Variants in GNPTAB observed in about 807,000 individuals in gnomAD.
GNPTAB encodes the protein N-acetylglucosamine-1-phosphotransferase subunits alpha/beta.
Under a neutral mutation model 136.6 loss-of-function variants are expected in GNPTAB, and 92 were observed. That is an observed-to-expected ratio of 0.67 (90% confidence interval 0.57 to 0.80). GNPTAB has a LOEUF of 0.80. Ranked by LOEUF, GNPTAB falls within the 30% of genes least tolerant of loss-of-function variation. The pLI, the probability that GNPTAB is intolerant of heterozygous loss-of-function variation, is 0.00. For synonymous variants in GNPTAB, 512 were observed against 535.1 expected, an observed-to-expected ratio of 0.96 and a Z score of 0.60; for missense variants, 1,343 against 1,501.8, an observed-to-expected ratio of 0.89 and a Z score of 1.75.
intron 1 of GNPTAB, among the ~76,000 whole-genome samples, chr12:101,830,177 G>A (rs996949395): frequency 1.3e-5 from 2 of 152,208 alleles, no homozygotes; most frequent in Admixed American, 6.5e-5. Context: ...AGGATCACTT[G>A]AGCCCAGGAC....
intron 20 of GNPTAB, among the ~76,000 whole-genome samples, chr12:101,748,572 G>A (rs886598940): frequency 1.3e-5 from 2 of 152,224 alleles, no homozygotes; most frequent in Non-Finnish European, 2.9e-5. Context: ...GTACATGCAT[G>A]CAGAGGAAAG....
chr12:101,809,957 A>G (rs1870131489), intron 1 of GNPTAB, among the ~76,000 whole-genome samples: 1 of 152,202 alleles, frequency 6.6e-6, no homozygotes, highest in South Asian at 2.1e-4. Flanking sequence ...CAACTATAAC[A>G]AATGTACCAC....
rs1953320791 is a variant in GNPTAB, at chr12:101,780,193, T to C, written c.730A>G (p.Lys244Glu). The change falls in exon 7 of 21, where the codon AAA (lysine) becomes GAA (glutamate). Residue 244 changes from lysine (K) to glutamate (E), a missense_variant. Lys to Glu is a moderately conservative substitution (Grantham distance 56). Transcript: ENST00000299314. The part of the protein sequence containing the change: ...PPTFKETNQL[K>E]TKLPENLSSK... ...GAAAGATTTTCTGGCAATTTTGTTT[T>C]TAGTTGATTTGTTTCCTTGAATGTT... The C allele has an allele frequency of 6.2e-7, 1 of 1,613,804 alleles. No homozygotes were observed. The highest frequency in any genetic ancestry group is 1.7e-5 in the Admixed American group (1 of 60,006).
chr12:101,767,069 C>T (rs1953105509), intron 11 of GNPTAB, among the ~76,000 whole-genome samples: 1 of 152,192 alleles, frequency 6.6e-6, no homozygotes, highest in Non-Finnish European at 1.5e-5. Context: ...CTCTCCTCAG[C>T]TAAAGCGCAT....
rs756332800 is a variant in GNPTAB at position 101,796,769 on chromosome 12, C to A, written c.118-7G>T. 24 of 1,595,544 alleles carry A rather than the reference C, an allele frequency of 1.5e-5. No individual in the cohort carries two copies. The Admixed American group carries it at 2.7e-4, about 18-fold the overall frequency. On this transcript the variant is annotated splice_region_variant and splice_polypyrimidine_tract_variant and intron_variant, in intron 1 of 20. Coordinates refer to ENST00000299314, the MANE Select transcript of GNPTAB (RefSeq NM_024312.5). Reference sequence around the variant, plus strand: ...GGCTCCATTCCAGAACCACCTAGAACAAAGAAAAAGAAACGTTTTCTTCGC... The same window carrying A: ...GGCTCCATTCCAGAACCACCTAGAAAAAAGAAAAAGAAACGTTTTCTTCGC...
Position 101,786,201 on chromosome 12 carries a change from A to C in GNPTAB, c.382T>G (p.Cys128Gly). The change falls in exon 5 of 21, where the codon TGT (cysteine) becomes GGT (glycine). Residue 128 changes from cysteine to glycine, a missense_variant. Transcript: ENST00000299314. ...ACCTTAATGCAGTGTGTTAGCAAAC[A>C]CTCTAACTGCTTCTCACTGGAAAGA... is the stretch of plus-strand genomic sequence containing the variant. ...PTKKSEKQLECLLTHCIKVPM... is the reference protein window; with the variant it reads ...PTKKSEKQLEGLLTHCIKVPM... 6.2e-7 allele frequency: 1 copy of C among 1,613,132 alleles called. No individual in the cohort carries two copies. Among genetic ancestry groups the C allele is most frequent in the Non-Finnish European group, 8.5e-7 (1 of 1,179,462 alleles).
At chr12:101,747,954 G>GGTATA (rs1235547863) in intron 20 of GNPTAB, among the ~76,000 whole-genome samples, 34 of 92,366 alleles carry the variant, frequency 3.7e-4, no homozygotes, top group Non-Finnish European at 5.3e-4. Flanking sequence ...TATAGATAGA[G>GGTATA]GAAAGACTGA....
chr12:101,795,607 G>T (rs1869232271), intron 2 of GNPTAB, among the ~76,000 whole-genome samples: 1 of 151,958 alleles, frequency 6.6e-6, no homozygotes, highest in Non-Finnish European at 1.5e-5. Flanking sequence ...ACAAAAATTA[G>T]CTGTGCGTGG....
At chr12:101,795,184 T>A (rs1869208866) in intron 2 of GNPTAB, among the ~76,000 whole-genome samples, 1 of 152,292 alleles carries the variant, frequency 6.6e-6, no homozygotes, top group African/African-American at 2.4e-5. Flanking sequence ...ACCAGGAAGT[T>A]TGGTAGAAGT....
chr12:101,772,772 C>T (rs1383413354), intron 7 of GNPTAB, among the ~76,000 whole-genome samples: 1 of 152,054 alleles, frequency 6.6e-6, no homozygotes, highest in Non-Finnish European at 1.5e-5. Context: ...TCTGAGGGCT[C>T]CCTGGAGAGA....
intron 2 of GNPTAB, 56 bp from the exon 3 acceptor site, chr12:101,790,113 A>G: frequency 1.9e-6 from 3 of 1,612,348 alleles, no homozygotes; most frequent in Non-Finnish European, 2.5e-6. Flanking sequence ...TATATTTGGT[A>G]ATAAGAATAT....
At position 101,761,282 on chromosome 12, in the gene GNPTAB, C is replaced by A. The variant is rs1309480062; in HGVS notation, c.2980G>T (p.Ala994Ser). ...KVRHSEDMQF[A>S]FSYFYYLMSA... ...ATGAGATAATAAAAATAAGAGAAGG[C>A]AAACTGCATATCCTCAGAATGGCGC... The change falls in exon 15 of 21, where the codon GCC (alanine) becomes TCC (serine). Residue 994 changes from alanine to serine, a missense_variant. Ala to Ser is a moderately conservative substitution (Grantham distance 99). Transcript: ENST00000299314. 17 of 1,613,988 alleles carry A rather than the reference C, an allele frequency of 1.1e-5. No homozygotes were observed. Among genetic ancestry groups the A allele is most frequent in the Middle Eastern group, 1.6e-4 (1 of 6,084 alleles).
At chr12:101,815,014 C>G (rs1297373130) in intron 1 of GNPTAB, among the ~76,000 whole-genome samples, 2 of 152,128 alleles carry the variant, frequency 1.3e-5, no homozygotes, top group Admixed American at 1.3e-4. Flanking sequence ...ATCTTGGGGT[C>G]CCAGGAGTCC....
chr12:101,824,785 T>A (rs1448117396), intron 1 of GNPTAB, among the ~76,000 whole-genome samples: 1 of 151,990 alleles, frequency 6.6e-6, no homozygotes, highest in African/African-American at 2.4e-5. Context: ...AACAAACTGG[T>A]TAATAATAAA....
intron 1 of GNPTAB, among the ~76,000 whole-genome samples, chr12:101,810,320 C>T (rs1470604217): frequency 6.6e-6 from 1 of 151,316 alleles, no homozygotes; most frequent in Non-Finnish European, 1.5e-5. Flanking sequence ...AGGGAGTATA[C>T]AGGAATTTCC....
rs1952733498 is a variant in GNPTAB at position 101,746,314 on chromosome 12, A to G, written c.*850T>C. 6.6e-6 allele frequency: 1 copy of G among 152,248 alleles called. No homozygotes were observed. The allele number at this position is 152,248 out of a possible 1,614,324, so 9.4% of individuals were successfully genotyped here. On this transcript the variant is annotated 3_prime_UTR_variant, in exon 21 of 21. Transcript: ENST00000299314. ...ACCAACTGAGAGAGATAGCTACTGG[A>G]ATATACCAATGAGTATTAAACAAGA...
chr12:101,774,483 T>G (rs1953231520), intron 7 of GNPTAB, among the ~76,000 whole-genome samples: 1 of 152,214 alleles, frequency 6.6e-6, no homozygotes, highest in African/African-American at 2.4e-5. Context: ...AAGTATATAT[T>G]GGAAGCAAAT....
At chr12:101,782,312 T>C (rs542371839) in intron 5 of GNPTAB, among the ~76,000 whole-genome samples, 29 of 152,348 alleles carry the variant, frequency 1.9e-4, no homozygotes, top group Non-Finnish European at 3.4e-4. Context: ...AGTTTTTTTT[T>C]TAAAAAGATA....
intron 2 of GNPTAB, chr12:101,795,933 T>G: frequency 3.5e-6 from 1 of 289,786 alleles, no homozygotes; most frequent in Non-Finnish European, 6.3e-6. Flanking sequence ...ATTGTTTCCA[T>G]TCTGAGGTCT....
Sources: allele counts gnomAD v4.1 joint callset (sites outside exome capture counted in the v4.1 genomes callset), GRCh38; gene constraint gnomAD v4.1.1; transcripts MANE v1.5; gene names NCBI Gene and HGNC (gene_info 2026-07-23, HGNC 2026-07-21).